Variants in RELN observed in about 807,000 individuals in gnomAD.
RELN encodes the protein reelin.
RELN carries 108 observed loss-of-function variants against 427.6 expected under a neutral mutation model. That is an observed-to-expected ratio of 0.25 (90% CI 0.22 to 0.30). RELN has a LOEUF of 0.30. Among genes scored for constraint, RELN ranks in the 10% least tolerant of loss-of-function variants. The pLI is 1.00. For missense variants in RELN, 3,715 were observed against 4,302.8 expected (o/e 0.86, Z 3.82); for synonymous variants, 1,524 against 1,513.4 (o/e 1.01, Z -0.16).
chr7:103,755,628 A>T (rs1482973432), intron 4 of RELN, among the ~76,000 whole-genome samples: 1 of 94,834 alleles, frequency 1.1e-5, no homozygotes, highest in Non-Finnish European at 2.3e-5. Flanking sequence ...TAAAAAAAAT[A>T]AAATAAATAA....
chr7:103,808,851 G>A (rs539964244), intron 3 of RELN, among the ~76,000 whole-genome samples: 2 of 152,214 alleles, frequency 1.3e-5, no homozygotes, highest in Non-Finnish European at 2.9e-5. Context: ...AAAGAGAAAA[G>A]AGAAAACTGA....
chr7:103,846,315 A>T (rs527670137), intron 2 of RELN, among the ~76,000 whole-genome samples: 1 of 152,318 alleles, frequency 6.6e-6, no homozygotes, highest in East Asian at 1.9e-4. Flanking sequence ...AACCTGACAG[A>T]AACAATGGGG....
rs1831340695 is a variant in RELN, at chr7:103,588,839, C to T, written c.4145+757G>A. On this transcript the variant is annotated intron_variant, in intron 28 of 64. Coordinates refer to ENST00000428762, the MANE Select transcript of RELN (RefSeq NM_005045.4). ...TCTCCCCCACCAAATTATCCCGTCA[C>T]AGGACTTCTGCACTTCCCACACTGT... Among the ~76,000 whole-genome samples the T allele has an allele frequency of 2.0e-5, 3 of 152,302 alleles. No homozygotes were observed. The South Asian group carries it at 6.2e-4, about 32-fold the overall frequency.
intron 2 of RELN, among the ~76,000 whole-genome samples, chr7:103,875,847 C>T (rs149310167): frequency 0.015 from 2,338 of 152,112 alleles, 27 homozygotes; most frequent in South Asian, 0.031. Context: ...TGAAATGATT[C>T]AAGAGAATGA....
chr7:103,794,179 TA>T (rs1180060983), intron 3 of RELN, among the ~76,000 whole-genome samples: 2 of 152,184 alleles, frequency 1.3e-5, no homozygotes, highest in Non-Finnish European at 2.9e-5. Flanking sequence ...TGGGCAACTT[TA>T]AAAATATACA....
intron 3 of RELN, among the ~76,000 whole-genome samples, chr7:103,781,879 C>T (rs945503464): frequency 3.3e-5 from 5 of 151,856 alleles, no homozygotes; most frequent in African/African-American, 1.2e-4. Context: ...GTCCATCACA[C>T]TGATGGTGTT....
intron 2 of RELN, among the ~76,000 whole-genome samples, chr7:103,906,403 G>A (rs151013317): frequency 8.5e-5 from 13 of 152,144 alleles, no homozygotes; most frequent in African/African-American, 9.6e-5. Flanking sequence ...GTAACACACC[G>A]GGCAGATAGC....
chr7:103,485,229 C>CG (rs1491579062), intron 61 of RELN, among the ~76,000 whole-genome samples: 2 of 96,438 alleles, frequency 2.1e-5, no homozygotes, highest in Non-Finnish European at 2.2e-5. Context: ...TTTGGCAGGC[C>CG]AAAAAAAAAA....
Position 103,626,046 on chromosome 7 carries a change from G to T in RELN, c.2702+3894C>A, listed in dbSNP as rs1362968166. On this transcript the variant is annotated intron_variant, in intron 20 of 64. Coordinates refer to ENST00000428762, the MANE Select transcript of RELN (RefSeq NM_005045.4). The surrounding 1 kb of genome is among the most constrained non-coding windows in gnomAD (Gnocchi z 4.4). ...AAGACAAAGATGGGATGAATGGGTAGAAATTCTGGGTGGAGCTAGAAGTCA... is the reference window on the plus strand; with the variant it reads ...AAGACAAAGATGGGATGAATGGGTATAAATTCTGGGTGGAGCTAGAAGTCA... Among the ~76,000 whole-genome samples, 1 of 152,058 alleles carries T rather than the reference G, an allele frequency of 6.6e-6. No individual in the cohort carries two copies. Among genetic ancestry groups the T allele is most frequent in the African/African-American group, 2.4e-5 (1 of 41,432 alleles).
chr7:103,919,208 T>C (rs973875921), intron 1 of RELN, among the ~76,000 whole-genome samples: 2 of 151,036 alleles, frequency 1.3e-5, no homozygotes, highest in Non-Finnish European at 2.9e-5. Flanking sequence ...AGGCATATCT[T>C]TCTGGTTACC....
intron 2 of RELN, among the ~76,000 whole-genome samples, chr7:103,841,199 T>C (rs1793543497): frequency 6.6e-6 from 1 of 152,194 alleles, no homozygotes; most frequent in Admixed American, 6.5e-5. Flanking sequence ...AAAGCATCCA[T>C]TGTTACAAAA....
At chr7:103,817,937 C>CAAAA (rs71154371) in intron 3 of RELN, among the ~76,000 whole-genome samples, 598 of 36,030 alleles carry the variant, frequency 0.017, no homozygotes, top group Middle Eastern at 0.028. Flanking sequence ...GACTCCATCT[C>CAAAA]AAAAAAAAAA....
Position 103,760,133 on chromosome 7 carries a change from C to A in RELN, c.545-6919G>T, listed in dbSNP as rs987037012. On this transcript the variant is annotated intron_variant, in intron 4 of 64. Transcript: ENST00000428762. ...CATTTTAATAGGTTAAACTATTGGG[C>A]CTTTCAAAATAAATATTATAAACAT... Among the ~76,000 whole-genome samples, 22 of 149,864 alleles carry A rather than the reference C, an allele frequency of 1.5e-4. 1 individual carries two copies. The highest frequency in any genetic ancestry group is 1.4e-3 in the Admixed American group (21 of 14,922).
At chr7:103,657,338 C>T (rs1013040721) in intron 12 of RELN, among the ~76,000 whole-genome samples, 38 of 151,550 alleles carry the variant, frequency 2.5e-4, no homozygotes, top group African/African-American at 9.0e-4. Context: ...AAATGAAATT[C>T]CTAATAGAAA....
At chr7:103,728,005 TATTTGA>T in intron 7 of RELN, 100 bp downstream of exon 7, 1 of 1,010,494 alleles carries the variant, frequency 9.9e-7, no homozygotes, top group Non-Finnish European at 1.5e-6. Context: ...TCATAAATCA[TATTTGA>T]ATTTTCATCT....
chr7:103,500,976 G>A, intron 52 of RELN, 54 bp from the exon 53 acceptor site: 1 of 1,519,620 alleles, frequency 6.6e-7, no homozygotes, highest in Non-Finnish European at 9.1e-7. Flanking sequence ...CTGTATTTAG[G>A]TCCATTGTCC....
chr7:103,849,077 C>T (rs1793751296), intron 2 of RELN, among the ~76,000 whole-genome samples: 1 of 152,132 alleles, frequency 6.6e-6, no homozygotes, highest in African/African-American at 2.4e-5. Context: ...CTGTCTGACC[C>T]CAGATGATGG....
intron 1 of RELN, among the ~76,000 whole-genome samples, chr7:103,936,709 TACGC>T (rs1483064227): frequency 8.9e-6 from 1 of 111,964 alleles, no homozygotes; most frequent in Non-Finnish European, 1.9e-5. Context: ...GGGAAATTCC[TACGC>T]ACACACACAC....
chr7:103,936,022 T>A (rs1193626816), intron 1 of RELN, among the ~76,000 whole-genome samples: 4 of 152,140 alleles, frequency 2.6e-5, no homozygotes, highest in African/African-American at 9.7e-5. Context: ...TAAATACATC[T>A]GATGTTGATT....
Sources: gnomAD v4.1 joint callset for allele counts (sites outside exome capture counted in the v4.1 genomes callset) on GRCh38, gnomAD v4.1.1 for gene constraint, Gnocchi (gnomAD v3.1) non-coding constraint, MANE v1.5 for transcripts, NCBI Gene and HGNC (gene_info 2026-07-23, HGNC 2026-07-21) for gene names.